The following MBD5 variants were observed in gnomAD, a reference collection of about 807,000 sequenced individuals.
The protein encoded by MBD5 is methyl-CpG-binding domain protein 5.
A neutral mutation model predicts 117.3 loss-of-function variants in MBD5; 13 were observed. That is an observed-to-expected ratio of 0.11 (90% CI 0.07 to 0.18). The LOEUF is 0.18. Among genes scored for constraint, MBD5 ranks in the 10% least tolerant of loss-of-function variants. The probability of loss-of-function intolerance (pLI) is 1.00; values close to 1 mark genes in which losing one functional copy is unlikely to be tolerated. For synonymous variants in MBD5, 727 were observed against 766.4 expected, an observed-to-expected ratio of 0.95 and a Z score of 0.85; for missense variants, 1,879 against 2,093.8, an observed-to-expected ratio of 0.90 and a Z score of 2.00.
intron 3 of MBD5, among the ~76,000 whole-genome samples, chr2:148,333,207 AG>A (rs2105070964): frequency 6.6e-6 from 1 of 152,240 alleles, no homozygotes; most frequent in East Asian, 1.9e-4. Context: ...TTTCCTGTTA[AG>A]GGCTTTCCTC....
chr2:148,307,421 A>G (rs1020017946), intron 3 of MBD5, among the ~76,000 whole-genome samples: 9 of 152,038 alleles, frequency 5.9e-5, no homozygotes, highest in Admixed American at 5.9e-4. Context: ...ACCATTTTAC[A>G]TCCATTCAGT....
chr2:148,420,510 T>C (rs1265632345), intron 4 of MBD5, among the ~76,000 whole-genome samples: 1 of 152,228 alleles, frequency 6.6e-6, no homozygotes, highest in Non-Finnish European at 1.5e-5. Flanking sequence ...TCAGCAGTTA[T>C]TAACATTTTC....
At chr2:148,212,586 A>G (rs184942013) in intron 2 of MBD5, among the ~76,000 whole-genome samples, 9 of 152,276 alleles carry the variant, frequency 5.9e-5, no homozygotes, top group Non-Finnish European at 1.0e-4. Flanking sequence ...GACATTAAAA[A>G]GGTGTGTGTA....
intron 4 of MBD5, among the ~76,000 whole-genome samples, chr2:148,408,950 A>T (rs1252087303): frequency 6.6e-6 from 1 of 152,170 alleles, no homozygotes; most frequent in Non-Finnish European, 1.5e-5. Flanking sequence ...GAGCATGGAC[A>T]TAGGTTATAG....
chr2:148,089,842 T>C (rs756397122), intron 1 of MBD5, among the ~76,000 whole-genome samples: 14 of 150,964 alleles, frequency 9.3e-5, no homozygotes, highest in Non-Finnish European at 8.9e-5. Flanking sequence ...ATAACAAAGA[T>C]CAGAGCAGAA....
At chr2:148,043,274 A>T (rs1463719307) in intron 1 of MBD5, among the ~76,000 whole-genome samples, 1 of 151,104 alleles carries the variant, frequency 6.6e-6, no homozygotes, top group African/African-American at 2.4e-5. Flanking sequence ...AAATACAAAA[A>T]AAAAATAAAA....
At chr2:148,265,275 T>G (rs868363747) in intron 3 of MBD5, among the ~76,000 whole-genome samples, 1 of 152,220 alleles carries the variant, frequency 6.6e-6, no homozygotes, top group Non-Finnish European at 1.5e-5. Flanking sequence ...AGTACCTGAT[T>G]AAAATAACAG....
chr2:148,159,072 T>C (rs1483199807), intron 1 of MBD5, among the ~76,000 whole-genome samples: 2 of 152,194 alleles, frequency 1.3e-5, no homozygotes, highest in Non-Finnish European at 2.9e-5. Context: ...AAAAACTGCT[T>C]TTCTACCTAC....
At chr2:148,190,988 C>A (rs1698811706) in intron 2 of MBD5, among the ~76,000 whole-genome samples, 1 of 150,070 alleles carries the variant, frequency 6.7e-6, no homozygotes, top group Non-Finnish European at 1.5e-5. Flanking sequence ...TTTAAACCAA[C>A]ACAGATCAAA....
chr2:148,508,488 T>C (rs1271064102), intron 12 of MBD5, among the ~76,000 whole-genome samples: 1 of 151,670 alleles, frequency 6.6e-6, no homozygotes, highest in Non-Finnish European at 1.5e-5. Flanking sequence ...TGAGGGAAAA[T>C]GGGACCAGGA....
intron 3 of MBD5, among the ~76,000 whole-genome samples, chr2:148,258,652 C>T (rs975743936): frequency 1.3e-5 from 2 of 152,168 alleles, no homozygotes; most frequent in African/African-American, 4.8e-5. Context: ...GTGTATTTCT[C>T]CCCCTTGGGC....
chr2:148,072,203 T>C (rs975198211), intron 1 of MBD5: 1 of 152,198 alleles, frequency 6.6e-6, no homozygotes, highest in Admixed American at 6.5e-5. Flanking sequence ...AGACTTGAAA[T>C]TCAAGTGAAA....
intron 3 of MBD5, among the ~76,000 whole-genome samples, chr2:148,338,222 A>C (rs1702846638): frequency 6.6e-6 from 1 of 152,140 alleles, no homozygotes; most frequent in South Asian, 2.1e-4. Flanking sequence ...AGATTCTTTA[A>C]ATCAATATTT....
chr2:148,485,670 T>C, intron 9 of MBD5, 72 bp from the exon 10 acceptor site: 5 of 1,163,212 alleles, frequency 4.3e-6, no homozygotes, highest in Non-Finnish European at 6.3e-6. Flanking sequence ...TCAGGAATTC[T>C]CGGGTACAAA....
intron 1 of MBD5, among the ~76,000 whole-genome samples, chr2:148,120,870 T>C (rs1404301852): frequency 6.6e-6 from 1 of 152,234 alleles, no homozygotes; most frequent in Non-Finnish European, 1.5e-5. Context: ...AAGCATGTAG[T>C]GCCTCATCAA....
At chr2:148,250,358 G>A (rs1045139265) in intron 3 of MBD5, among the ~76,000 whole-genome samples, 1 of 152,122 alleles carries the variant, frequency 6.6e-6, no homozygotes, top group Non-Finnish European at 1.5e-5. Flanking sequence ...AATAACTACT[G>A]GGTGACAGCA....
intron 4 of MBD5, among the ~76,000 whole-genome samples, chr2:148,433,895 G>A (rs932179596): frequency 3.4e-5 from 5 of 149,022 alleles, no homozygotes; most frequent in Non-Finnish European, 7.5e-5. Flanking sequence ...CCTCCTCCCC[G>A]TTTTTGTTGT....
rs899215837 is a variant in MBD5, at chr2:148,467,776, A to G, written c.398-565A>G. ...ACTCTCATAGTGAAAATGTTGGGATAAGGAAATATTACGGTATCTGTTCTG... is the reference window on the plus strand; with the variant it reads ...ACTCTCATAGTGAAAATGTTGGGATGAGGAAATATTACGGTATCTGTTCTG... On this transcript the variant is annotated intron_variant, in intron 7 of 13. Coordinates refer to ENST00000642680, the MANE Select transcript of MBD5 (RefSeq NM_001378120.1). Among the ~76,000 whole-genome samples the G allele has an allele frequency of 1.1e-4, 17 of 152,206 alleles. 1 individual carries two copies. The highest frequency in any genetic ancestry group is 3.9e-4 in the African/African-American group (16 of 41,464).
intron 2 of MBD5, among the ~76,000 whole-genome samples, chr2:148,195,962 G>T (rs1203073565): frequency 6.6e-6 from 1 of 152,052 alleles, no homozygotes; most frequent in African/African-American, 2.4e-5. Flanking sequence ...CAACAACAAG[G>T]AAATAACATA....
Sources: allele counts gnomAD v4.1 joint callset (sites outside exome capture counted in the v4.1 genomes callset), GRCh38; gene constraint gnomAD v4.1.1; transcripts MANE v1.5; gene names NCBI Gene and HGNC (gene_info 2026-07-23, HGNC 2026-07-21).